The following PDZRN4 variants were observed in gnomAD, a reference collection of about 807,000 sequenced individuals.
PDZRN4 encodes PDZ domain containing ring finger 4.
Under a neutral mutation model 99.0 loss-of-function variants are expected in PDZRN4, and 70 were observed. The ratio of observed to expected loss-of-function variants is 0.71; its 90% CI spans 0.58 to 0.86. The LOEUF is 0.86. Ranked by LOEUF, PDZRN4 falls within the 40% of genes least tolerant of loss-of-function variation. The probability of loss-of-function intolerance (pLI) is 0.00; values close to 1 mark genes in which losing one functional copy is unlikely to be tolerated. For synonymous variants in PDZRN4, 551 were observed against 501.6 expected, an observed-to-expected ratio of 1.10 and a Z score of -1.32; for missense variants, 1,474 against 1,331.2, an observed-to-expected ratio of 1.11 and a Z score of -1.67.
intron 3 of PDZRN4, among the ~76,000 whole-genome samples, chr12:41,210,622 A>C (rs1268344076): frequency 6.6e-6 from 1 of 152,002 alleles, no homozygotes; most frequent in Non-Finnish European, 1.5e-5. Context: ...GTGTACAGTT[A>C]TTGAAAAATG....
chr12:41,486,315 CTT>C (rs578233323), intron 3 of PDZRN4, among the ~76,000 whole-genome samples: 117 of 152,240 alleles, frequency 7.7e-4, no homozygotes, highest in African/African-American at 2.1e-3. Context: ...AACAATGTAA[CTT>C]GGTGTTATCT....
At chr12:41,226,201 G>A (rs1221093445) in intron 3 of PDZRN4, among the ~76,000 whole-genome samples, 2 of 151,938 alleles carry the variant, frequency 1.3e-5, no homozygotes, top group Non-Finnish European at 2.9e-5. Context: ...CCAGCTTCAT[G>A]GCTTTGCTCC....
chr12:41,193,366 T>C (rs1950749070), intron 2 of PDZRN4, among the ~76,000 whole-genome samples: 1 of 152,202 alleles, frequency 6.6e-6, no homozygotes, highest in South Asian at 2.1e-4. Context: ...TAATGTATTA[T>C]TATAGGATGT....
chr12:41,535,250 G>C (rs911024772), intron 5 of PDZRN4, among the ~76,000 whole-genome samples: 2 of 152,062 alleles, frequency 1.3e-5, no homozygotes, highest in African/African-American at 4.8e-5. Context: ...TTGTTTCTTT[G>C]TGTATTTTGT....
At chr12:41,491,147 T>A (rs1048331046) in intron 3 of PDZRN4, among the ~76,000 whole-genome samples, 1 of 152,076 alleles carries the variant, frequency 6.6e-6, no homozygotes, top group African/African-American at 2.4e-5. Flanking sequence ...AATATGTGAG[T>A]CCTCAGAGAA....
intron 5 of PDZRN4, among the ~76,000 whole-genome samples, chr12:41,516,015 T>A (rs550901060): frequency 1.3e-5 from 2 of 152,106 alleles, no homozygotes; most frequent in African/African-American, 4.8e-5. Context: ...GTGCTTTCCT[T>A]TCTTTGTGCC....
intron 3 of PDZRN4, among the ~76,000 whole-genome samples, chr12:41,390,178 T>C (rs1952199832): frequency 6.6e-6 from 1 of 152,112 alleles, no homozygotes; most frequent in South Asian, 2.1e-4. Context: ...ACACTGATAA[T>C]CTAGCCATTT....
At chr12:41,424,391 A>C (rs1952517162) in intron 3 of PDZRN4, among the ~76,000 whole-genome samples, 1 of 152,176 alleles carries the variant, frequency 6.6e-6, no homozygotes, top group African/African-American at 2.4e-5. Context: ...ATGATTAAAC[A>C]CATGATCTGA....
chr12:41,566,195 C>T (rs184739479), intron 8 of PDZRN4, among the ~76,000 whole-genome samples: 1 of 152,228 alleles, frequency 6.6e-6, no homozygotes, highest in East Asian at 1.9e-4. Context: ...TTAATTTTGA[C>T]CATTTTCTCT....
At chr12:41,439,571 C>T (rs1273777933) in intron 3 of PDZRN4, among the ~76,000 whole-genome samples, 2 of 152,114 alleles carry the variant, frequency 1.3e-5, no homozygotes, top group Non-Finnish European at 2.9e-5. Context: ...TTACTGCAGC[C>T]AGAAAGGACC....
chr12:41,489,635 A>C (rs1055881690), intron 3 of PDZRN4, among the ~76,000 whole-genome samples: 1 of 151,162 alleles, frequency 6.6e-6, no homozygotes, highest in South Asian at 2.1e-4. Context: ...TGAAAGATTT[A>C]GACTTCATAA....
chr12:41,527,206 G>T (rs774505598), intron 5 of PDZRN4, among the ~76,000 whole-genome samples: 1 of 152,204 alleles, frequency 6.6e-6, no homozygotes, highest in African/African-American at 2.4e-5. Context: ...AAATGGAAAG[G>T]TGAAGGCACT....
chr12:41,365,666 G>A (rs763813292), intron 3 of PDZRN4, among the ~76,000 whole-genome samples: 2 of 152,006 alleles, frequency 1.3e-5, no homozygotes, highest in African/African-American at 4.8e-5. Flanking sequence ...CCCTCTTTGA[G>A]CCCGAATCAG....
At chr12:41,355,822 G>A (rs1951923724) in intron 3 of PDZRN4, among the ~76,000 whole-genome samples, 1 of 151,974 alleles carries the variant, frequency 6.6e-6, no homozygotes, top group Admixed American at 6.6e-5. Flanking sequence ...GTTAAAAAAA[G>A]AAACACTAAC....
chr12:41,527,671 C>T (rs1215702934), intron 5 of PDZRN4, among the ~76,000 whole-genome samples: 1 of 152,198 alleles, frequency 6.6e-6, no homozygotes, highest in African/African-American at 2.4e-5. Context: ...CAACCACTGA[C>T]CAAAGTCATT....
rs1253989076 is a variant in PDZRN4, at chr12:41,437,725, G to C, written c.844-68731G>C. 2.1e-6 allele frequency: 3 copies of C among 1,444,232 alleles called. No homozygotes were observed. The African/African-American group carries it at 4.3e-5, about 21-fold the overall frequency. The allele number at this position is 1,444,232 out of a possible 1,614,324, so 89.5% of individuals were successfully genotyped here. A position where few individuals can be genotyped will look rare whatever the true frequency, so the allele number is the denominator to read the frequency against. Reference sequence around the variant, plus strand: ...TGAACTGACTGGAAACTCTGTGTGTGTATCCGTGAGTGCAAGATACTTAGG... The same window carrying C: ...TGAACTGACTGGAAACTCTGTGTGTCTATCCGTGAGTGCAAGATACTTAGG... On this transcript the variant is annotated intron_variant, in intron 3 of 9. Coordinates refer to ENST00000402685, the MANE Select transcript of PDZRN4 (RefSeq NM_001164595.2).
intron 3 of PDZRN4, among the ~76,000 whole-genome samples, chr12:41,263,026 C>T (rs1054954761): frequency 1.2e-4 from 19 of 152,016 alleles, no homozygotes; most frequent in African/African-American, 3.9e-4. Flanking sequence ...ATAAAATTTA[C>T]ATGGTATAGA....
chr12:41,548,820 A>C (rs1315889221), intron 5 of PDZRN4, among the ~76,000 whole-genome samples: 1 of 152,172 alleles, frequency 6.6e-6, no homozygotes, highest in African/African-American at 2.4e-5. Flanking sequence ...ACACCGCTGG[A>C]GTACAACCAA....
chr12:41,574,690 T>C lies in PDZRN4; in HGVS notation c.*800T>C, dbSNP rs1181020214. On this transcript the variant is annotated 3_prime_UTR_variant, in exon 10 of 10. Coordinates refer to ENST00000402685, the MANE Select transcript of PDZRN4 (RefSeq NM_001164595.2). ...AGACGCCTAATTGTGGATTATAAAA[T>C]GTGCACATTTTCTATCACTTGTTTC... 6.6e-6 allele frequency: 1 copy of C among 152,290 alleles called. No individual in the cohort carries two copies. The highest frequency in any genetic ancestry group is 1.5e-5 in the Non-Finnish European group (1 of 68,052). The allele number at this position is 152,290 out of a possible 1,614,324, so 9.4% of individuals were successfully genotyped here. A position where few individuals can be genotyped will look rare whatever the true frequency, so the allele number is the denominator to read the frequency against.
Sources: gnomAD v4.1 joint callset for allele counts (sites outside exome capture counted in the v4.1 genomes callset) on GRCh38, gnomAD v4.1.1 for gene constraint, MANE v1.5 for transcripts, NCBI Gene and HGNC (gene_info 2026-07-23, HGNC 2026-07-21) for gene names.